The following MAP4 variants were observed in gnomAD, a reference collection of about 807,000 sequenced individuals.
MAP4 encodes microtubule associated protein 4.
MAP4 carries 76 observed loss-of-function variants against 170.2 expected under a neutral mutation model. That is an observed-to-expected ratio of 0.45 (90% CI 0.37 to 0.54). The LOEUF (loss-of-function observed/expected upper bound fraction) is 0.54. MAP4 is among the 20% of genes least tolerant of loss of function. The probability of loss-of-function intolerance (pLI) is 0.00; values close to 1 mark genes in which losing one functional copy is unlikely to be tolerated. For synonymous variants in MAP4, 909 were observed against 994.5 expected (o/e 0.91, Z 1.62); for missense variants, 2,506 against 2,748.0 (o/e 0.91, Z 1.97).
chr3:47,918,145 G>A lies in MAP4; in HGVS notation c.652+574C>T, dbSNP rs200994409. ...TTACAGGCACCTGCCACCACGCCCA[G>A]CTAATTTTTTGTATTTTTAGTAGAG... On this transcript the variant is annotated intron_variant, in intron 6 of 20. Transcript: ENST00000683076. Among the ~76,000 whole-genome samples, 36 of 152,294 alleles carry A rather than the reference G, an allele frequency of 2.4e-4. No homozygotes were observed. In the East Asian group the frequency reaches 6.7e-3, roughly 29 times the overall value.
At chr3:48,084,772 T>A (rs917314071) in intron 1 of MAP4, among the ~76,000 whole-genome samples, 4 of 150,594 alleles carry the variant, frequency 2.7e-5, no homozygotes, top group Non-Finnish European at 5.9e-5. Context: ...GTTGTTTTGC[T>A]GTACACTAAA....
chr3:48,029,737 C>T (rs971520104), intron 1 of MAP4, among the ~76,000 whole-genome samples: 4 of 152,010 alleles, frequency 2.6e-5, no homozygotes, highest in Non-Finnish European at 4.4e-5. Flanking sequence ...CGGTGGCTTA[C>T]GCCTGTAATC....
chr3:48,082,222 G>A (rs571614266), intron 1 of MAP4, among the ~76,000 whole-genome samples: 62 of 152,278 alleles, frequency 4.1e-4, no homozygotes, highest in African/African-American at 1.4e-3. Flanking sequence ...CAACGCTGCC[G>A]CAGGCAAGAT....
intron 3 of MAP4, among the ~76,000 whole-genome samples, chr3:47,965,493 C>T (rs1219228210): frequency 6.6e-6 from 1 of 152,176 alleles, no homozygotes; most frequent in Admixed American, 6.5e-5. Flanking sequence ...TTCCATAGCA[C>T]TTTCATTTTA....
chr3:47,999,059 C>A (rs2100097800), intron 1 of MAP4, among the ~76,000 whole-genome samples, 180 bp from the exon 2 acceptor site: 1 of 152,094 alleles, frequency 6.6e-6, no homozygotes, highest in South Asian at 2.1e-4. Flanking sequence ...ACAGTCTGAC[C>A]CAAGGTAACT....
chr3:47,995,370 C>T (rs1033468039), intron 2 of MAP4, among the ~76,000 whole-genome samples: 35 of 151,880 alleles, frequency 2.3e-4, no homozygotes, highest in African/African-American at 8.0e-4. Flanking sequence ...TGTACCTCAG[C>T]CTCCTGAGTA....
intron 3 of MAP4, among the ~76,000 whole-genome samples, chr3:47,975,792 CTTT>C (rs146740524): frequency 1.4e-5 from 2 of 143,018 alleles, no homozygotes; most frequent in Non-Finnish European, 1.5e-5. Flanking sequence ...AGTAAAGTAT[CTTT>C]TTTTTTTTTT....
At chr3:47,945,225 G>A (rs377755872) in intron 3 of MAP4, among the ~76,000 whole-genome samples, 1 of 151,866 alleles carries the variant, frequency 6.6e-6, no homozygotes, top group Admixed American at 6.6e-5. Context: ...GGTGGCATGC[G>A]ACTGCAGTCC....
At position 48,074,500 on chromosome 3, in the gene MAP4, AT is replaced by A. The variant is rs2100142657; in HGVS notation, c.-20+14272del. Among the ~76,000 whole-genome samples, 4 of 147,548 alleles carry A rather than the reference AT, an allele frequency of 2.7e-5. No homozygotes were observed. The South Asian group carries it at 8.5e-4, about 31-fold the overall frequency. On this transcript the variant is annotated intron_variant, in intron 1 of 18. Transcript: ENST00000360240. ...ACTACAAAATACATTATATATATAT[AT>A]ACACACACTTTTTTTTTTTTTTTTT...
intron 3 of MAP4, among the ~76,000 whole-genome samples, chr3:47,951,874 T>C (rs886710523): frequency 2.0e-5 from 3 of 149,004 alleles, no homozygotes; most frequent in East Asian, 4.1e-4. Flanking sequence ...GGAGCGTCTC[T>C]GCCCGCCCGC....
At chr3:47,892,921 T>C (rs2100024798) in intron 10 of MAP4, 1 of 986,044 alleles carries the variant, frequency 1.0e-6, no homozygotes, top group Non-Finnish European at 1.2e-6. Flanking sequence ...CCCTTCCACA[T>C]TCAACCACTC....
intron 1 of MAP4, among the ~76,000 whole-genome samples, chr3:48,037,490 G>C (rs560279875): frequency 1.3e-5 from 2 of 152,170 alleles, no homozygotes; most frequent in Admixed American, 1.3e-4. Flanking sequence ...ATCTCCTGAG[G>C]CTCAGGTGAT....
intron 3 of MAP4, among the ~76,000 whole-genome samples, chr3:47,944,862 G>A (rs1241493430): frequency 5.3e-5 from 8 of 151,010 alleles, no homozygotes; most frequent in Admixed American, 4.6e-4. Context: ...TGAGATAACT[G>A]GTGAATTGAA....
intron 17 of MAP4, among the ~76,000 whole-genome samples, chr3:47,863,938 G>GTGTGTGT (rs1042739180): frequency 2.6e-5 from 2 of 76,654 alleles, no homozygotes; most frequent in African/African-American, 1.7e-4. Context: ...GTGTGTGTGT[G>GTGTGTGT]GGGAGTGGTG....
intron 1 of MAP4, among the ~76,000 whole-genome samples, chr3:48,085,085 C>G (rs1305014468): frequency 6.6e-6 from 1 of 151,396 alleles, no homozygotes; most frequent in Non-Finnish European, 1.5e-5. Context: ...TGACTATATA[C>G]ATGAACTGCC....
intron 9 of MAP4, among the ~76,000 whole-genome samples, chr3:47,904,678 G>A (rs1254376512): frequency 1.4e-5 from 2 of 145,302 alleles, no homozygotes; most frequent in Non-Finnish European, 3.0e-5. Flanking sequence ...GGGGCGGGGC[G>A]GGGGATGGAG....
At chr3:47,862,555 G>T (rs1248907158) in intron 17 of MAP4, among the ~76,000 whole-genome samples, 1 of 151,540 alleles carries the variant, frequency 6.6e-6, no homozygotes, top group African/African-American at 2.4e-5. Context: ...TTGCCTCACT[G>T]CAACCTCTGC....
chr3:47,965,999 T>C (rs1276040462), intron 3 of MAP4, among the ~76,000 whole-genome samples: 2 of 152,148 alleles, frequency 1.3e-5, no homozygotes, highest in African/African-American at 2.4e-5. Context: ...AAGAAATGTA[T>C]AGCCTTGGTG....
intron 3 of MAP4, among the ~76,000 whole-genome samples, chr3:47,931,656 ATTTTT>A (rs35456237): frequency 7.6e-6 from 1 of 131,400 alleles, no homozygotes; most frequent in Admixed American, 8.2e-5. Flanking sequence ...TTTAAACAAA[ATTTTT>A]TTTTTTTTTT....
Sources: gnomAD v4.1 joint callset for allele counts (sites outside exome capture counted in the v4.1 genomes callset) on GRCh38, gnomAD v4.1.1 for gene constraint, MANE v1.5 for transcripts, NCBI Gene and HGNC (gene_info 2026-07-23, HGNC 2026-07-21) for gene names.